Variants in ZNF214 observed in about 807,000 individuals in gnomAD.
ZNF214 encodes the protein zinc finger protein 214.
A neutral mutation model predicts 53.9 loss-of-function variants in ZNF214; 43 were observed. That is an observed-to-expected ratio of 0.80 (90% confidence interval 0.63 to 1.03). The LOEUF (loss-of-function observed/expected upper bound fraction) is 1.03, where lower values mean the gene tolerates loss of function less well. Among genes scored for constraint, ZNF214 ranks in the 50% least tolerant of loss-of-function variants. The pLI, the probability that ZNF214 is intolerant of heterozygous loss-of-function variation, is 0.00. For missense variants in ZNF214, 724 were observed against 719.1 expected, an observed-to-expected ratio of 1.01 and a Z score of -0.08; for synonymous variants, 217 against 229.5, an observed-to-expected ratio of 0.95 and a Z score of 0.49.
intron 1 of ZNF214, among the ~76,000 whole-genome samples, chr11:7,003,256 T>C (rs948791910): frequency 6.6e-6 from 1 of 152,044 alleles, no homozygotes; most frequent in Non-Finnish European, 1.5e-5. Context: ...AGCCATTTTA[T>C]TTTTTAAAAT....
rs1851885011 is a variant in ZNF214, at chr11:7,020,140, C to T, written c.-88G>A. The T allele has an allele frequency of 1.3e-5, 2 of 152,370 alleles. No homozygotes were observed. Among genetic ancestry groups the T allele is most frequent in the Admixed American group, 6.5e-5 (1 of 15,276 alleles). 9.4% of individuals were successfully genotyped at this position (152,370 alleles called of 1,614,324 possible). A position where few individuals can be genotyped will look rare whatever the true frequency, so the allele number is the denominator to read the frequency against. The stretch of plus-strand genomic sequence containing the variant: ...ATCTACACGGGTGTCTCTGGGGTTT[C>T]TAAACCGGAGTAGCTTCTCAGTCCC... On this transcript the variant is annotated 5_prime_UTR_variant, in exon 1 of 3. Coordinates refer to ENST00000278314, the MANE Select transcript of ZNF214 (RefSeq NM_013249.4).
At chr11:7,012,373 T>C (rs1851625494) in intron 1 of ZNF214, among the ~76,000 whole-genome samples, 1 of 151,958 alleles carries the variant, frequency 6.6e-6, no homozygotes. Context: ...TATACAATGG[T>C]TAAGTATATA....
chr11:7,010,532 T>C (rs1418750774), intron 1 of ZNF214, among the ~76,000 whole-genome samples: 1 of 150,840 alleles, frequency 6.6e-6, no homozygotes, highest in Non-Finnish European at 1.5e-5. Flanking sequence ...ACAATTTATA[T>C]AACAAAGCTG....
At chr11:7,008,561 A>G (rs151096331) in intron 1 of ZNF214, among the ~76,000 whole-genome samples, 5,358 of 152,256 alleles carry the variant, frequency 0.035, 150 homozygotes, top group East Asian at 0.13. Context: ...ACTCCTATTC[A>G]ACACAGTACT....
In ZNF214 at chr11:6,999,061, C is replaced by G. The variant is rs544790388; in HGVS notation, c.*801G>C. 1.8e-4 allele frequency among the ~76,000 whole-genome samples: 28 copies of G among 152,088 alleles called. No homozygotes were observed. The highest frequency in any genetic ancestry group is 6.5e-4 in the African/African-American group (27 of 41,538). On this transcript the variant is annotated 3_prime_UTR_variant, in exon 3 of 3. Transcript: ENST00000278314. ...TTAAATAAAATTCTACTGCTTGGAT[C>G]TCTAATTCCGAACCAATGGAGTATC... is the stretch of plus-strand genomic sequence containing the variant.
chr11:7,001,775 A>G (rs1851361064), intron 2 of ZNF214, among the ~76,000 whole-genome samples: 2 of 151,986 alleles, frequency 1.3e-5, no homozygotes, highest in Admixed American at 6.6e-5. Flanking sequence ...TTCCACAAAC[A>G]TATCTTGAGC....
At chr11:7,010,961 AAT>A (rs869264896) in intron 1 of ZNF214, among the ~76,000 whole-genome samples, 10,461 of 112,608 alleles carry the variant, frequency 0.093, 394 homozygotes, top group Middle Eastern at 0.15. Flanking sequence ...GTATAAAAAA[AAT>A]AAAATGGCAA....
At chr11:7,004,627 C>G (rs901104953) in intron 1 of ZNF214, among the ~76,000 whole-genome samples, 4 of 152,092 alleles carry the variant, frequency 2.6e-5, no homozygotes, top group Non-Finnish European at 4.4e-5. Flanking sequence ...CTTTCTTGCT[C>G]TCTCTCTGGG....
In ZNF214 at chr11:7,000,373, G is replaced by A. The variant is rs759550469; in HGVS notation, c.1310C>T (p.Thr437Ile). The A allele has an allele frequency of 5.6e-6, 9 of 1,613,432 alleles. No homozygotes were observed. The East Asian group carries it at 8.9e-5, about 16-fold the overall frequency. The part of the protein sequence containing the change: ...SNLQIHQRVH[T>I]GEKPYKCDDC... ...ATCACATTTATAAGGTTTCTCTCCTGTATGCACTCTCTGATGAATTTGAAG... is the reference window on the plus strand; with the variant it reads ...ATCACATTTATAAGGTTTCTCTCCTATATGCACTCTCTGATGAATTTGAAG... The change falls in exon 3 of 3, where the codon ACA becomes ATA. Residue 437 changes from threonine (T) to isoleucine (I), a missense_variant. Physicochemically the swap from Thr to Ile is moderately conservative, Grantham distance 89. Coordinates refer to ENST00000278314, the MANE Select transcript of ZNF214 (RefSeq NM_013249.4).
In ZNF214 at chr11:7,010,635, ATT is replaced by A. The variant is rs1333635511; in HGVS notation, c.-20-7782_-20-7781del. Among the ~76,000 whole-genome samples, 10 of 88,258 alleles carry A rather than the reference ATT, an allele frequency of 1.1e-4. No homozygotes were observed. In the South Asian group the frequency reaches 2.4e-3, roughly 22 times the overall value. The allele number at this position is 88,258 out of a possible 152,430, so 57.9% of individuals were successfully genotyped here. On this transcript the variant is annotated intron_variant, in intron 1 of 2. Transcript: ENST00000278314. ...GTATAAAAAAGAGAAACCATCCCCC[ATT>A]AAAAAAAAAAAAAAAGAGCAAACTT...
chr11:7,019,537 T>C (rs1456657573), intron 1 of ZNF214: 5 of 152,196 alleles, frequency 3.3e-5, no homozygotes, highest in African/African-American at 1.2e-4. Context: ...CTGGATTTAC[T>C]ATCAGAAAAG....
intron 1 of ZNF214, among the ~76,000 whole-genome samples, chr11:7,007,717 C>T (rs1488083471): frequency 6.6e-6 from 1 of 151,698 alleles, no homozygotes; most frequent in Non-Finnish European, 1.5e-5. Context: ...AGCAAGCAAA[C>T]AAAAAACCCT....
intron 1 of ZNF214, among the ~76,000 whole-genome samples, chr11:7,003,161 G>A (rs1439146819): frequency 6.6e-6 from 1 of 151,772 alleles, no homozygotes; most frequent in African/African-American, 2.4e-5. Context: ...ATTTTAGAAT[G>A]GAAAACAGAT....
At chr11:7,008,462 C>G (rs1851526058) in intron 1 of ZNF214, among the ~76,000 whole-genome samples, 1 of 151,686 alleles carries the variant, frequency 6.6e-6, no homozygotes, top group Admixed American at 6.6e-5. Flanking sequence ...ATTAAAAAAC[C>G]CCAGCTAGAC....
intron 1 of ZNF214, among the ~76,000 whole-genome samples, chr11:7,015,593 AAAC>A (rs372860295): frequency 3.0e-4 from 7 of 23,390 alleles, no homozygotes; most frequent in Admixed American, 8.6e-4. Flanking sequence ...ACAACAACAA[AAAC>A]AACAACAACA....
intron 1 of ZNF214, among the ~76,000 whole-genome samples, chr11:7,011,956 T>C (rs1205718489): frequency 6.6e-6 from 1 of 152,130 alleles, no homozygotes. Context: ...ATTATCTAAA[T>C]AAAAGGAGAA....
chr11:7,015,202 A>G (rs1319155764), intron 1 of ZNF214, among the ~76,000 whole-genome samples: 1 of 151,782 alleles, frequency 6.6e-6, no homozygotes, highest in East Asian at 1.9e-4. Context: ...TATAATAGCA[A>G]TAAGAATATA....
rs946834858 is a variant in ZNF214 at position 7,002,935 on chromosome 11, A to G, written c.-20-80T>C. On this transcript the variant is annotated intron_variant, in intron 1 of 2. Coordinates refer to ENST00000278314, the MANE Select transcript of ZNF214 (RefSeq NM_013249.4). ...ATAAGATATGTGGCAAGCCGAATAGAAAAAACAAGAACTTCAGTAAAGGAG... is the reference window on the plus strand; with the variant it reads ...ATAAGATATGTGGCAAGCCGAATAGGAAAAACAAGAACTTCAGTAAAGGAG... The G allele has an allele frequency of 2.2e-6, 3 of 1,372,440 alleles. No homozygotes were observed. The African/African-American group carries it at 4.5e-5, about 21-fold the overall frequency. 85.0% of individuals were successfully genotyped at this position (1,372,440 alleles called of 1,614,324 possible).
At chr11:7,008,791 A>T (rs1293458445) in intron 1 of ZNF214, among the ~76,000 whole-genome samples, 2 of 152,120 alleles carry the variant, frequency 1.3e-5, no homozygotes, top group African/African-American at 4.8e-5. Flanking sequence ...TATACCAACA[A>T]CATCCAAGCT....
Sources: allele counts gnomAD v4.1 joint callset (sites outside exome capture counted in the v4.1 genomes callset), GRCh38; gene constraint gnomAD v4.1.1; transcripts MANE v1.5; gene names NCBI Gene and HGNC (gene_info 2026-07-23, HGNC 2026-07-21).